Variants in REPS2 observed in about 807,000 individuals in gnomAD.
REPS2 encodes the protein ralBP1-associated Eps domain-containing protein 2.
In REPS2, 23 loss-of-function variants were observed where a neutral mutation model predicts 53.6. That is an observed-to-expected ratio of 0.43 (90% CI 0.31 to 0.61). The LOEUF (loss-of-function observed/expected upper bound fraction) is 0.61. Ranked by LOEUF, REPS2 falls within the 20% of genes least tolerant of loss-of-function variation. The pLI is 0.11. For synonymous variants in REPS2, 238 were observed against 218.6 expected (o/e 1.09, Z -0.78); for missense variants, 446 against 534.9 (o/e 0.83, Z 1.64).
intron 7 of REPS2, among the ~76,000 whole-genome samples, chrX:17,053,197 A>C (rs1046919409): frequency 8.9e-6 from 1 of 111,770 alleles, no homozygotes; most frequent in Admixed American, 9.5e-5. Context: ...TTATGATAGG[A>C]TTTAAAATTG....
chrX:16,969,791 A>G (rs1602550134), intron 1 of REPS2, among the ~76,000 whole-genome samples: 1 of 103,527 alleles, frequency 9.7e-6, no homozygotes, highest in African/African-American at 3.5e-5. Flanking sequence ...AGAGAGGGAG[A>G]GGGAGAGAGG....
chrX:17,025,335 C>G (rs533234346), intron 4 of REPS2, 150 bp downstream of exon 4: 8 of 627,238 alleles, frequency 1.3e-5, no homozygotes, highest in South Asian at 4.0e-5. Context: ...TATTCTCAAG[C>G]AAGGTTTTTT....
intron 1 of REPS2, among the ~76,000 whole-genome samples, chrX:16,967,029 A>G (rs989621807): frequency 1.8e-5 from 2 of 112,135 alleles, no homozygotes; most frequent in African/African-American, 6.5e-5. Flanking sequence ...GCATTCTTCT[A>G]TCAGGAGTTG....
chrX:17,099,562 C>T (rs1370503649), intron 13 of REPS2, among the ~76,000 whole-genome samples: 2 of 111,872 alleles, frequency 1.8e-5, no homozygotes, highest in African/African-American at 3.3e-5. Flanking sequence ...CCTTGAAGCA[C>T]TTATCCCCCT....
chrX:17,127,686 C>T (rs2063233984), intron 14 of REPS2, among the ~76,000 whole-genome samples: 1 of 111,587 alleles, frequency 9.0e-6, no homozygotes, highest in African/African-American at 3.3e-5. Flanking sequence ...CTTCCTCCAC[C>T]CTGCAAGTCC....
chrX:17,165,049 C>CCACCA, the REPS2 span, among the ~76,000 whole-genome samples: 2 of 107,315 alleles, frequency 1.9e-5, no homozygotes, highest in African/African-American at 7.0e-5. Context: ...ACCACCACCA[C>CCACCA]CACACACACA....
intron 1 of REPS2, among the ~76,000 whole-genome samples, chrX:16,973,938 G>GTATA (rs1268777727): frequency 4.6e-4 from 51 of 110,668 alleles, no homozygotes; most frequent in African/African-American, 1.6e-3. Flanking sequence ...TTTCAGAATT[G>GTATA]CTAACCCATA....
At chrX:17,053,946 T>C (rs373500143) in intron 7 of REPS2, among the ~76,000 whole-genome samples, 35 of 112,312 alleles carry the variant, frequency 3.1e-4, no homozygotes, top group African/African-American at 1.1e-3. Context: ...TTCTTTCAAA[T>C]AGTAATACCT....
chrX:17,005,210 T>C (rs374588039), intron 1 of REPS2, among the ~76,000 whole-genome samples: 4 of 111,639 alleles, frequency 3.6e-5, no homozygotes, highest in African/African-American at 9.8e-5. Context: ...TTGTTGACTG[T>C]ATCTTGGGTG....
intron 13 of REPS2, among the ~76,000 whole-genome samples, chrX:17,101,314 G>T (rs953038533): frequency 1.5e-4 from 17 of 110,217 alleles, no homozygotes; most frequent in Non-Finnish European, 1.1e-4. Context: ...TGCCCGCCTT[G>T]GCCTCCCAAA....
In REPS2 at chrX:17,047,448, A is replaced by T; in HGVS notation, c.873A>T (p.Arg291=). ...EQREYYVNQF[R]SLQPDPSSFI... ...GCGAGTACTATGTCAATCAGTTCCGATCCCTTCAGCCAGACCCAAGCTCTT... is the reference window on the plus strand; with the variant it reads ...GCGAGTACTATGTCAATCAGTTCCGTTCCCTTCAGCCAGACCCAAGCTCTT... The change falls in exon 6 of 18, where the codon CGA becomes CGT. Residue 291 remains arginine (R), a synonymous_variant. Coordinates refer to ENST00000357277, the MANE Select transcript of REPS2 (RefSeq NM_004726.3). 1 of 1,210,877 alleles carries T rather than the reference A, an allele frequency of 8.3e-7. No homozygotes were observed. Among genetic ancestry groups the T allele is most frequent in the Non-Finnish European group, 1.1e-6 (1 of 895,296 alleles).
the REPS2 span, among the ~76,000 whole-genome samples, chrX:17,193,245 C>A: frequency 2.7e-5 from 3 of 112,202 alleles, no homozygotes; most frequent in African/African-American, 9.7e-5. Context: ...TGCTTTACAC[C>A]TTGTCAGCAC....
intron 16 of REPS2, chrX:17,136,091 G>A (rs1273643790): frequency 2.7e-5 from 3 of 112,046 alleles, no homozygotes; most frequent in African/African-American, 9.7e-5. Flanking sequence ...GGGAGGTGTT[G>A]AGGACAGAAA....
chrX:17,095,539 T>A (rs1264419942), intron 13 of REPS2, among the ~76,000 whole-genome samples: 10 of 96,159 alleles, frequency 1.0e-4, no homozygotes, highest in African/African-American at 3.5e-4. Flanking sequence ...TTTTTTTTTT[T>A]AATGAGGATG....
At chrX:17,176,293 C>A in the REPS2 span, among the ~76,000 whole-genome samples, 14 of 111,646 alleles carry the variant, frequency 1.3e-4, no homozygotes, top group Admixed American at 1.3e-3. Flanking sequence ...CTTCTACAAT[C>A]CTCAACTGGC....
chrX:17,008,463 A>G (rs1441352559), intron 2 of REPS2, among the ~76,000 whole-genome samples: 2 of 112,246 alleles, frequency 1.8e-5, no homozygotes, highest in Non-Finnish European at 3.8e-5. Context: ...TTAACAGTTT[A>G]TCACAAATAT....
intron 1 of REPS2, among the ~76,000 whole-genome samples, chrX:16,966,424 T>C (rs2060769525): frequency 8.9e-6 from 1 of 112,302 alleles, no homozygotes; most frequent in Non-Finnish European, 1.9e-5. Context: ...CTTTGGAATA[T>C]TTGCGTTTAC....
intron 14 of REPS2, among the ~76,000 whole-genome samples, chrX:17,117,947 A>C (rs775638614): frequency 1.7e-5 from 1 of 57,576 alleles, no homozygotes; most frequent in Non-Finnish European, 3.1e-5. Context: ...TTGTTTCCTG[A>C]CTTTTTTTTT....
chrX:17,017,992 TA>T lies in REPS2; in HGVS notation c.398-4126del, dbSNP rs770369556. On this transcript the variant is annotated intron_variant, in intron 2 of 17. Coordinates refer to ENST00000357277, the MANE Select transcript of REPS2 (RefSeq NM_004726.3). ...AATTAGATTATTAAAATTTTGCCATTAAAAATGTTTTGAAATGGAAAATTTT... is the reference window on the plus strand; with the variant it reads ...AATTAGATTATTAAAATTTTGCCATTAAAATGTTTTGAAATGGAAAATTTT... Among the ~76,000 whole-genome samples the T allele has an allele frequency of 4.7e-3, 527 of 112,695 alleles. 2 individuals are homozygous for T. The highest frequency in any genetic ancestry group is 0.016 in the African/African-American group (504 of 31,074).
Sources: allele counts gnomAD v4.1 joint callset (sites outside exome capture counted in the v4.1 genomes callset), GRCh38; gene constraint gnomAD v4.1.1; transcripts MANE v1.5; gene names NCBI Gene and HGNC (gene_info 2026-07-23, HGNC 2026-07-21).